The following CHD8 variants were observed in gnomAD, a reference collection of about 807,000 sequenced individuals.
The protein encoded by CHD8 is chromodomain helicase DNA binding protein 8, also known as ATP-dependent chromatin remodeler CHD8.
CHD8 carries 31 observed loss-of-function variants against 279.2 expected under a neutral mutation model. That is an observed-to-expected ratio of 0.11 (90% confidence interval 0.08 to 0.15). The LOEUF is 0.15. Among genes scored for constraint, CHD8 ranks in the 10% least tolerant of loss-of-function variants. CHD8 has a pLI of 1.00. For synonymous variants in CHD8, 1,081 were observed against 1,139.6 expected, an observed-to-expected ratio of 0.95 and a Z score of 1.04; for missense variants, 2,146 against 3,230.5, an observed-to-expected ratio of 0.66 and a Z score of 8.14.
In CHD8 at chr14:21,408,592, G is replaced by A. The variant is rs541093415; in HGVS notation, c.2487-37C>T. ...CCATGGGAAAAAAAAAATGTTAAAA[G>A]ATACTATCTTTAAAAAAAATAGAGT... On this transcript the variant is annotated intron_variant, in intron 12 of 37. Transcript: ENST00000646647. The surrounding 1 kb of genome is among the most constrained non-coding windows in gnomAD (Gnocchi z 4.3). The A allele has an allele frequency of 5.8e-4, 920 of 1,582,254 alleles. 4 individuals are homozygous for A. The South Asian group carries it at 6.0e-3, about 10-fold the overall frequency.
chr14:21,410,300 C>A (rs1888434045), intron 10 of CHD8, among the ~76,000 whole-genome samples: 1 of 152,112 alleles, frequency 6.6e-6, no homozygotes, highest in South Asian at 2.1e-4. Flanking sequence ...TTTTCCTATA[C>A]CATGTTGAAA....
intron 5 of CHD8, among the ~76,000 whole-genome samples, chr14:21,421,150 A>C (rs905084320): frequency 2.0e-5 from 3 of 152,184 alleles, no homozygotes; most frequent in Non-Finnish European, 2.9e-5. Context: ...AAATTAAAGC[A>C]CAATAATCAT....
At chr14:21,422,511 T>G (rs1024477416) in intron 5 of CHD8, among the ~76,000 whole-genome samples, 3 of 152,210 alleles carry the variant, frequency 2.0e-5, no homozygotes, top group African/African-American at 7.2e-5. Flanking sequence ...CTTTATTACT[T>G]TATTTGCACA....
chr14:21,434,822 A>T (rs1889713529), intron 1 of CHD8, among the ~76,000 whole-genome samples: 1 of 152,106 alleles, frequency 6.6e-6, no homozygotes, highest in Non-Finnish European at 1.5e-5. Flanking sequence ...TTCTCCCAAC[A>T]TACATCTAAC....
intron 5 of CHD8, among the ~76,000 whole-genome samples, chr14:21,417,871 T>A (rs988979081): frequency 2.1e-4 from 30 of 141,250 alleles, no homozygotes; most frequent in African/African-American, 5.8e-4. Flanking sequence ...AAAAAATATA[T>A]ATATATATAT....
At chr14:21,429,801 C>T (rs906571147) in intron 2 of CHD8, 7 of 221,742 alleles carry the variant, frequency 3.2e-5, no homozygotes, top group Admixed American at 4.9e-5. Flanking sequence ...TGCCACCATG[C>T]CCAGCTAATT....
In CHD8 at chr14:21,393,509, C is replaced by T. The variant is rs781196485; in HGVS notation, c.6286G>A (p.Asp2096Asn). 6.3e-7 allele frequency: 1 copy of T among 1,587,634 alleles called. No homozygotes were observed. The highest frequency in any genetic ancestry group is 8.6e-7 in the Non-Finnish European group (1 of 1,166,296). Residue 2096 changes from aspartate to asparagine, a missense_variant, in exon 32 of 38, where the codon GAT becomes AAT. Around this residue, in one of 26 missense-constraint regions of CHD8, gnomAD observed 513 missense variants for 637.6 expected, o/e 0.80. Transcript: ENST00000646647. ...TCTTCCTTCTCATCCTCACTCTCAT[C>T]AGTGCTGGAGCTGGAGCTGGATGAG... is the stretch of plus-strand genomic sequence containing the variant. ...SSSSSSSSSTDESEDEKEEKL... is the reference protein window; with the variant it reads ...SSSSSSSSSTNESEDEKEEKL...
chr14:21,453,394 A>G (rs1378627472), intron 1 of CHD8, among the ~76,000 whole-genome samples: 8 of 151,994 alleles, frequency 5.3e-5, no homozygotes, highest in Admixed American at 5.2e-4. Context: ...GCAAAATCAC[A>G]GGAAGATGAA....
intron 37 of CHD8, among the ~76,000 whole-genome samples, chr14:21,387,574 C>CA (rs2139432497): frequency 6.9e-6 from 1 of 144,288 alleles, no homozygotes; most frequent in Non-Finnish European, 1.5e-5. Flanking sequence ...GCGGAGATCG[C>CA]GGTGAGCAGA....
rs2139468211 is a variant in CHD8, at chr14:21,402,770, A to G, written c.3714+247T>C. ...CCACCCACTCATTTACATATTATCT[A>G]TGGCTGTTTTTGCGCTACAGGACTT... On this transcript the variant is annotated intron_variant, in intron 18 of 37. Transcript: ENST00000646647. This position sits in a 1 kb window ranked among gnomAD's most constrained non-coding sequence, Gnocchi z 4.5. Among the ~76,000 whole-genome samples the G allele has an allele frequency of 6.6e-6, 1 of 152,300 alleles. No homozygotes were observed. Among genetic ancestry groups the G allele is most frequent in the Middle Eastern group, 3.4e-3 (1 of 294 alleles).
chr14:21,419,976 A>G (rs1444625682), intron 5 of CHD8: 1 of 194,304 alleles, frequency 5.1e-6, no homozygotes, highest in Non-Finnish European at 1.1e-5. Context: ...CAGCCATCAG[A>G]TTGCGCATTG....
chr14:21,455,457 C>T (rs1890364237), intron 1 of CHD8, among the ~76,000 whole-genome samples: 1 of 152,182 alleles, frequency 6.6e-6, no homozygotes, highest in Non-Finnish European at 1.5e-5. Flanking sequence ...AAGGCTTGAG[C>T]TCCTCTCTTC....
At chr14:21,439,322 G>GC (rs1889898471) in intron 1 of CHD8, among the ~76,000 whole-genome samples, 1 of 152,112 alleles carries the variant, frequency 6.6e-6, no homozygotes, top group Admixed American at 6.6e-5. Flanking sequence ...CCTGTAAACA[G>GC]CAATACTGTT....
At position 21,430,796 on chromosome 14, in the gene CHD8, G is replaced by C; in HGVS notation, c.843+5C>G. 1 of 1,569,544 alleles carries C rather than the reference G, an allele frequency of 6.4e-7. No individual in the cohort carries two copies. Among genetic ancestry groups the C allele is most frequent in the Non-Finnish European group, 8.6e-7 (1 of 1,161,288 alleles). ...AAATTCACCTCCCCCTTTCACTCAAGTCACCTGGGTAGGTGTAGAGGTCAG... is the reference window on the plus strand; with the variant it reads ...AAATTCACCTCCCCCTTTCACTCAACTCACCTGGGTAGGTGTAGAGGTCAG... On this transcript the variant is annotated splice_donor_5th_base_variant and intron_variant, in intron 2 of 37. Transcript: ENST00000646647.
At chr14:21,420,414 C>A (rs1478476110) in intron 5 of CHD8, among the ~76,000 whole-genome samples, 1 of 152,054 alleles carries the variant, frequency 6.6e-6, no homozygotes, top group Non-Finnish European at 1.5e-5. Context: ...CAAAGGCGGG[C>A]AGGACTAGAG....
At chr14:21,437,220 G>GC (rs1889822769) in intron 1 of CHD8, 6 of 1,183,396 alleles carry the variant, frequency 5.1e-6, no homozygotes, top group Non-Finnish European at 6.4e-6. Context: ...GGGCCGGTTC[G>GC]CCCCTCTCCC....
chr14:21,414,633 T>A, intron 8 of CHD8: 1 of 593,610 alleles, frequency 1.7e-6, no homozygotes, highest in East Asian at 2.8e-5. Context: ...AGCACCCAAG[T>A]AATGCTAATT....
chr14:21,393,730 A>C lies in CHD8; in HGVS notation c.6065T>G (p.Leu2022Arg). ...TATQVPSLES[L>R]TLKLEHEVVA... ...CACCTCGTGCTCTAGCTTTAAAGTC[A>C]GACTCTCCAGACTGGGGACCTGGGT... The change falls in exon 32 of 38, where the codon CTG (leucine) becomes CGG (arginine). Residue 2022 changes from leucine to arginine, a missense_variant. This residue lies in a region of CHD8 where 513 missense variants were observed against 637.6 expected (regional missense o/e 0.80). Transcript: ENST00000646647. The C allele has an allele frequency of 6.2e-7, 1 of 1,613,884 alleles. No individual in the cohort carries two copies. The highest frequency in any genetic ancestry group is 1.1e-5 in the South Asian group (1 of 91,068).
chr14:21,441,760 GC>G (rs1213801168), intron 1 of CHD8, among the ~76,000 whole-genome samples: 1 of 152,236 alleles, frequency 6.6e-6, no homozygotes, highest in East Asian at 1.9e-4. Context: ...GTGGTGGTGG[GC>G]ACCTGTAGTC....
Sources: allele counts gnomAD v4.1 joint callset (sites outside exome capture counted in the v4.1 genomes callset), GRCh38; gene constraint gnomAD v4.1.1; regional missense constraint gnomAD v4.1.1; non-coding constraint Gnocchi (gnomAD v3.1); transcripts MANE v1.5; gene names NCBI Gene and HGNC (gene_info 2026-07-23, HGNC 2026-07-21).